The following DPY19L1 variants were observed in gnomAD, a reference collection of about 807,000 sequenced individuals.
DPY19L1 encodes dpy-19 like C-mannosyltransferase 1.
DPY19L1 carries 35 observed loss-of-function variants against 96.9 expected under a neutral mutation model. That is an observed-to-expected ratio of 0.36 (90% confidence interval 0.28 to 0.48). The LOEUF (loss-of-function observed/expected upper bound fraction) is 0.48. Ranked by LOEUF, DPY19L1 falls within the 20% of genes least tolerant of loss-of-function variation. The pLI is 0.99. For synonymous variants in DPY19L1, 205 were observed against 252.6 expected (o/e 0.81, Z 1.79); for missense variants, 521 against 777.9 (o/e 0.67, Z 3.93).
At chr7:34,982,876 CG>C (rs1784969827) in intron 7 of DPY19L1, among the ~76,000 whole-genome samples, 1 of 152,108 alleles carries the variant, frequency 6.6e-6, no homozygotes, top group Admixed American at 6.5e-5. Context: ...CATTTGGTTT[CG>C]GGGCCTTGGC....
chr7:34,988,694 A>G (rs1785101528), intron 7 of DPY19L1, among the ~76,000 whole-genome samples: 1 of 152,180 alleles, frequency 6.6e-6, no homozygotes, highest in African/African-American at 2.4e-5. Context: ...TGGAAGGACA[A>G]AGTCACTTCA....
At chr7:35,013,296 G>A (rs1442336972) in intron 4 of DPY19L1, among the ~76,000 whole-genome samples, 5 of 152,068 alleles carry the variant, frequency 3.3e-5, no homozygotes, top group East Asian at 1.9e-4. Context: ...AAGTAACAGC[G>A]CTCCCTTGGT....
intron 1 of DPY19L1, among the ~76,000 whole-genome samples, chr7:35,019,167 T>G (rs2128680369): frequency 6.6e-6 from 1 of 152,174 alleles, no homozygotes; most frequent in African/African-American, 2.4e-5. Context: ...AAGAACATAC[T>G]AAGATGAACC....
At chr7:35,018,687 T>C (rs544899566) in intron 1 of DPY19L1, 91 bp from the exon 2 acceptor site, 187 of 1,166,982 alleles carry the variant, frequency 1.6e-4, no homozygotes, top group Non-Finnish European at 2.2e-4. Flanking sequence ...ATGTCAAATA[T>C]TGAAATGTGT....
intron 6 of DPY19L1, among the ~76,000 whole-genome samples, chr7:34,997,198 T>C (rs559258141): frequency 1.3e-5 from 2 of 151,926 alleles, no homozygotes; most frequent in South Asian, 2.1e-4. Context: ...AATTTATGCA[T>C]ACTAAATAAA....
intron 19 of DPY19L1, 52 bp from the exon 20 acceptor site, chr7:34,939,427 TG>T: frequency 1.3e-6 from 2 of 1,496,894 alleles, no homozygotes; most frequent in Non-Finnish European, 1.9e-6. Flanking sequence ...GGCGAGAAGG[TG>T]TCTCCTTCAA....
At chr7:34,947,999 T>G (rs1784187302) in intron 14 of DPY19L1, among the ~76,000 whole-genome samples, 4 of 152,146 alleles carry the variant, frequency 2.6e-5, no homozygotes. Context: ...CAACTTAATA[T>G]TCATCTAAGG....
At chr7:35,019,814 T>C (rs1304951391) in intron 1 of DPY19L1, among the ~76,000 whole-genome samples, 1 of 152,218 alleles carries the variant, frequency 6.6e-6, no homozygotes, top group Admixed American at 6.5e-5. Flanking sequence ...TCTTTTGAAA[T>C]TTTAAATTTT....
intron 10 of DPY19L1, among the ~76,000 whole-genome samples, chr7:34,966,238 G>A (rs1385081408): frequency 6.6e-6 from 1 of 152,096 alleles, no homozygotes; most frequent in Admixed American, 6.6e-5. Flanking sequence ...CTGTTAGAAT[G>A]TAGTAATATG....
chr7:34,949,733 G>T, intron 14 of DPY19L1, 64 bp downstream of exon 14: 1 of 987,682 alleles, frequency 1.0e-6, no homozygotes, highest in Non-Finnish European at 1.6e-6. Flanking sequence ...TATAAGAGGA[G>T]CACTCCTTAT....
intron 13 of DPY19L1, among the ~76,000 whole-genome samples, chr7:34,953,414 C>A (rs1334041427): frequency 2.0e-5 from 3 of 152,098 alleles, no homozygotes; most frequent in Admixed American, 6.6e-5. Flanking sequence ...AAAACAGATT[C>A]TATAAACGCA....
At chr7:34,956,426 T>G (rs1244152802) in intron 11 of DPY19L1, among the ~76,000 whole-genome samples, 1 of 152,192 alleles carries the variant, frequency 6.6e-6, no homozygotes, top group South Asian at 2.1e-4. Flanking sequence ...AATTGCTAAT[T>G]TCTGTAGCTA....
intron 10 of DPY19L1, among the ~76,000 whole-genome samples, chr7:34,966,411 C>A (rs539263364): frequency 1.4e-4 from 21 of 152,190 alleles, no homozygotes; most frequent in Admixed American, 1.3e-3. Context: ...AATCCTCCCA[C>A]ATCAACTTCC....
At chr7:35,002,316 T>C (rs1225289363) in intron 6 of DPY19L1, among the ~76,000 whole-genome samples, 1 of 151,718 alleles carries the variant, frequency 6.6e-6, no homozygotes, top group Non-Finnish European at 1.5e-5. Context: ...CAAACAAAAC[T>C]TCTTGGAAAT....
At chr7:35,007,265 G>A (rs1260670027) in intron 6 of DPY19L1, among the ~76,000 whole-genome samples, 1 of 152,226 alleles carries the variant, frequency 6.6e-6, no homozygotes, top group Non-Finnish European at 1.5e-5. Flanking sequence ...TAGAGCTAAA[G>A]AGATGGTTCC....
chr7:35,022,034 G>A (rs945432579), intron 1 of DPY19L1, among the ~76,000 whole-genome samples: 111 of 152,136 alleles, frequency 7.3e-4, no homozygotes, highest in African/African-American at 2.6e-3. Context: ...GAATAAAAAC[G>A]GAAAATGACA....
chr7:35,022,891 G>C (rs959749871), intron 1 of DPY19L1, among the ~76,000 whole-genome samples: 2 of 152,170 alleles, frequency 1.3e-5, no homozygotes, highest in Non-Finnish European at 2.9e-5. Flanking sequence ...TGGGGCACGG[G>C]TCCCAGGTCC....
Position 34,989,426 on chromosome 7 carries a change from G to T in DPY19L1, c.822+458C>A, listed in dbSNP as rs189201027. On this transcript the variant is annotated intron_variant, in intron 7 of 21. Coordinates refer to ENST00000638088, the MANE Select transcript of DPY19L1 (RefSeq NM_001366673.1). ...GGCCAGGAATTCAAGACCAGCCTGG[G>T]CAACATAGAAAGATTCCATCTCTAT... Among the ~76,000 whole-genome samples the T allele has an allele frequency of 1.5e-3, 228 of 152,128 alleles. 2 individuals are homozygous for T. The highest frequency in any genetic ancestry group is 5.3e-3 in the African/African-American group (221 of 41,502).
chr7:35,012,102 A>G (rs1785725339), intron 4 of DPY19L1, among the ~76,000 whole-genome samples: 1 of 152,204 alleles, frequency 6.6e-6, no homozygotes, highest in Admixed American at 6.5e-5. Context: ...GGAACTGCCC[A>G]TGGCTGAAGA....
Sources: gnomAD v4.1 joint callset for allele counts (sites outside exome capture counted in the v4.1 genomes callset) on GRCh38, gnomAD v4.1.1 for gene constraint, MANE v1.5 for transcripts, NCBI Gene and HGNC (gene_info 2026-07-23, HGNC 2026-07-21) for gene names.